Variants in PLCB1 observed in about 807,000 individuals in gnomAD.
PLCB1 encodes 1-phosphatidylinositol 4,5-bisphosphate phosphodiesterase beta-1.
In PLCB1, 46 loss-of-function variants were observed where a neutral mutation model predicts 161.8. That is an observed-to-expected ratio of 0.28 (90% CI 0.22 to 0.36). The LOEUF (loss-of-function observed/expected upper bound fraction) is 0.36. Ranked by LOEUF, PLCB1 falls within the 10% of genes least tolerant of loss-of-function variation. PLCB1 has a pLI of 1.00. For missense variants in PLCB1, 1,016 were observed against 1,472.5 expected (o/e 0.69, Z 5.07); for synonymous variants, 517 against 503.7 (o/e 1.03, Z -0.35).
At chr20:8,737,561 C>G (rs2123511477) in intron 20 of PLCB1, among the ~76,000 whole-genome samples, 1 of 152,228 alleles carries the variant, frequency 6.6e-6, no homozygotes, top group East Asian at 1.9e-4. Context: ...TTCATATTTC[C>G]TTTAAAAGGA....
At chr20:8,190,448 C>T (rs1014006425) in intron 2 of PLCB1, among the ~76,000 whole-genome samples, 11 of 152,072 alleles carry the variant, frequency 7.2e-5, no homozygotes, top group Admixed American at 3.9e-4. Flanking sequence ...CCTTAACATT[C>T]TCCATCAGGG....
At chr20:8,857,279 G>GTTTTT (rs1987100078) in intron 31 of PLCB1, among the ~76,000 whole-genome samples, 1 of 152,070 alleles carries the variant, frequency 6.6e-6, no homozygotes, top group Non-Finnish European at 1.5e-5. Context: ...GAAGAATGGT[G>GTTTTT]GGTTTTTGAA....
chr20:8,448,000 A>G (rs887081373), intron 3 of PLCB1, among the ~76,000 whole-genome samples: 15 of 152,246 alleles, frequency 9.9e-5, no homozygotes, highest in Non-Finnish European at 2.1e-4. Flanking sequence ...CACATTGTCC[A>G]AACTTGCTAT....
intron 3 of PLCB1, among the ~76,000 whole-genome samples, chr20:8,445,889 G>A (rs1353834225): frequency 3.7e-4 from 56 of 151,988 alleles, no homozygotes; most frequent in African/African-American, 1.1e-3. Flanking sequence ...ATTTTTGCAC[G>A]TTGATTTTGT....
Position 8,548,500 on chromosome 20 carries a change from TCTTA to T in PLCB1, c.247-79790_247-79787del, listed in dbSNP as rs1375731503. On this transcript the variant is annotated intron_variant, in intron 3 of 31. Coordinates refer to ENST00000338037, the MANE Select transcript of PLCB1 (RefSeq NM_015192.4). ...TCTATCTTTCTATCCTTCCTTCCTT[TCTTA>T]CTTCCTCCCTCCCTCCCTCTCTCTC... 1.5e-3 allele frequency among the ~76,000 whole-genome samples: 216 copies of T among 144,900 alleles called. 1 individual carries two copies. The highest frequency in any genetic ancestry group is 5.4e-3 in the African/African-American group (210 of 38,644).
intron 2 of PLCB1, among the ~76,000 whole-genome samples, chr20:8,265,411 G>A (rs984566518): frequency 6.6e-6 from 1 of 152,126 alleles, no homozygotes; most frequent in African/African-American, 2.4e-5. Flanking sequence ...GGTGGGGGAG[G>A]CATTTACTAT....
At chr20:8,584,639 C>T (rs1372503024) in intron 3 of PLCB1, among the ~76,000 whole-genome samples, 1 of 151,894 alleles carries the variant, frequency 6.6e-6, no homozygotes, top group Non-Finnish European at 1.5e-5. Context: ...AATTGTTTTT[C>T]CAAGTTGGAG....
intron 3 of PLCB1, among the ~76,000 whole-genome samples, chr20:8,397,758 A>T (rs1017736207): frequency 6.6e-6 from 1 of 152,144 alleles, no homozygotes; most frequent in Non-Finnish European, 1.5e-5. Flanking sequence ...ACTTAATATA[A>T]CGTCAATACC....
intron 1 of PLCB1, among the ~76,000 whole-genome samples, chr20:8,133,670 G>A (rs2051315656): frequency 6.6e-6 from 1 of 152,170 alleles, no homozygotes; most frequent in Admixed American, 6.5e-5. Flanking sequence ...TCTTCGGATG[G>A]AGAACATTAT....
chr20:8,683,813 T>C (rs73597555), intron 9 of PLCB1, among the ~76,000 whole-genome samples: 238 of 152,332 alleles, frequency 1.6e-3, no homozygotes, highest in African/African-American at 5.7e-3. Context: ...CATTCAAATT[T>C]TTATTTTCAG....
chr20:8,144,531 A>G (rs1035258367), intron 1 of PLCB1, among the ~76,000 whole-genome samples: 10 of 152,142 alleles, frequency 6.6e-5, no homozygotes, highest in African/African-American at 2.4e-4. Flanking sequence ...GAAATTTCAG[A>G]GTAGAGACAC....
chr20:8,233,607 A>G (rs1419229510), intron 2 of PLCB1, among the ~76,000 whole-genome samples: 1 of 152,108 alleles, frequency 6.6e-6, no homozygotes, highest in African/African-American at 2.4e-5. Flanking sequence ...TAGCTCAGTG[A>G]GTTTTTACAA....
chr20:8,715,137 A>C (rs1166813564), intron 12 of PLCB1, among the ~76,000 whole-genome samples: 1 of 152,256 alleles, frequency 6.6e-6, no homozygotes, highest in Non-Finnish European at 1.5e-5. Flanking sequence ...TAACTATTGG[A>C]AATCAAGTTC....
At chr20:8,755,503 T>A (rs1372019969) in intron 23 of PLCB1, among the ~76,000 whole-genome samples, 1 of 152,192 alleles carries the variant, frequency 6.6e-6, no homozygotes, top group African/African-American at 2.4e-5. Context: ...TTTAGCATAT[T>A]GAAAAGCAAC....
chr20:8,328,100 G>T (rs573182997), intron 2 of PLCB1, among the ~76,000 whole-genome samples: 45 of 152,196 alleles, frequency 3.0e-4, no homozygotes, highest in Non-Finnish European at 5.6e-4. Context: ...TACTGGTTGA[G>T]AATCTGTAAT....
chr20:8,796,267 T>G (rs1157710601), intron 31 of PLCB1, among the ~76,000 whole-genome samples: 2 of 152,276 alleles, frequency 1.3e-5, no homozygotes, highest in East Asian at 3.9e-4. Flanking sequence ...TTATTTCCCC[T>G]CTGACATCTT....
intron 31 of PLCB1, among the ~76,000 whole-genome samples, chr20:8,879,110 G>A (rs1335158392): frequency 6.6e-6 from 1 of 152,072 alleles, no homozygotes; most frequent in African/African-American, 2.4e-5. Context: ...GCCTCCAGCT[G>A]CATCCATGTT....
chr20:8,801,915 A>C, intron 31 of PLCB1: 1 of 673,214 alleles, frequency 1.5e-6, no homozygotes, highest in Non-Finnish European at 2.7e-6. Context: ...GTTGGAGCAG[A>C]TAAAGGCAAA....
At chr20:8,415,228 G>A (rs1204896076) in intron 3 of PLCB1, among the ~76,000 whole-genome samples, 1 of 152,180 alleles carries the variant, frequency 6.6e-6, no homozygotes, top group African/African-American at 2.4e-5. Context: ...AACAAACAGA[G>A]TCCTTACATG....
Sources: allele counts gnomAD v4.1 joint callset (sites outside exome capture counted in the v4.1 genomes callset), GRCh38; gene constraint gnomAD v4.1.1; transcripts MANE v1.5; gene names NCBI Gene and HGNC (gene_info 2026-07-23, HGNC 2026-07-21).